ADPRHL1: variants seen among roughly 807,000 people sequenced by gnomAD.
ADPRHL1 encodes the protein inactive ADP-ribosyltransferase ARH2.
ADPRHL1 carries 43 observed loss-of-function variants against 44.1 expected under a neutral mutation model. The observed-to-expected ratio is 0.98, with a 90% CI of 0.76 to 1.26. The LOEUF (loss-of-function observed/expected upper bound fraction) is 1.26. Ranked by LOEUF, ADPRHL1 falls within the 50% of genes most tolerant of loss-of-function variation. The pLI is 0.00. For synonymous variants in ADPRHL1, 878 were observed against 1,017.4 expected, an observed-to-expected ratio of 0.86 and a Z score of 2.61; for missense variants, 2,022 against 2,496.9, an observed-to-expected ratio of 0.81 and a Z score of 4.05.
chr13:113,400,021 G>A lies in ADPRHL1; in HGVS notation c.*3357C>T, dbSNP rs539683256. 6.6e-6 allele frequency: 1 copy of A among 152,020 alleles called. No individual in the cohort carries two copies. Among genetic ancestry groups the A allele is most frequent in the East Asian group, 1.9e-4 (1 of 5,182 alleles). The allele number at this position is 152,020 out of a possible 1,614,324, so 9.4% of individuals were successfully genotyped here. A position where few individuals can be genotyped will look rare whatever the true frequency, so the allele number is the denominator to read the frequency against. ...ACCTGCGGCTCACAGTGGGCCTGTC[G>A]ACAGCCGGAGGCACCGTAAAAAACT... On this transcript the variant is annotated 3_prime_UTR_variant, in exon 8 of 8. Coordinates refer to ENST00000612156, the MANE Select transcript of ADPRHL1 (RefSeq NM_001394807.1).
At chr13:113,418,213 G>T (rs1245116762) in intron 7 of ADPRHL1, among the ~76,000 whole-genome samples, 1 of 152,002 alleles carries the variant, frequency 6.6e-6, no homozygotes, top group Non-Finnish European at 1.5e-5. Context: ...CTACAAAATG[G>T]GGGTAGTAAA....
chr13:113,412,849 GCAGAGCT>G (rs2043864993), intron 7 of ADPRHL1, among the ~76,000 whole-genome samples: 7 of 58,730 alleles, frequency 1.2e-4, no homozygotes, highest in South Asian at 4.9e-4. Flanking sequence ...ACAGCGCCCC[GCAGAGCT>G]CGGTTCACCC....
At chr13:113,445,209 C>T (rs1414543044) in intron 1 of ADPRHL1, among the ~76,000 whole-genome samples, 1 of 152,264 alleles carries the variant, frequency 6.6e-6, no homozygotes, top group Admixed American at 6.5e-5. Context: ...ATGCCCAGCA[C>T]GCGGGAGGCC....
chr13:113,421,312 C>T lies in ADPRHL1; in HGVS notation c.1061+1514G>A, dbSNP rs1395046583. ...CCGGGACACGCCCACTCCCGGGACA[C>T]GCCCACCCCGGGACACGCCCACCCC... On this transcript the variant is annotated intron_variant, in intron 7 of 7. Transcript: ENST00000612156. Among the ~76,000 whole-genome samples the T allele has an allele frequency of 3.4e-5, 4 of 117,138 alleles. No individual in the cohort carries two copies. The South Asian group carries it at 8.8e-4, about 26-fold the overall frequency. 76.8% of individuals were successfully genotyped at this position (117,138 alleles called of 152,430 possible). A position where few individuals can be genotyped will look rare whatever the true frequency, so the allele number is the denominator to read the frequency against.
intron 7 of ADPRHL1, among the ~76,000 whole-genome samples, chr13:113,414,150 G>T (rs2043874996): frequency 6.6e-6 from 1 of 151,992 alleles, no homozygotes; most frequent in Non-Finnish European, 1.5e-5. Context: ...GGCAGGGCCG[G>T]TTTCACGTGG....
Position 113,415,083 on chromosome 13 carries a change from G to A in ADPRHL1, c.1062-6863C>T, listed in dbSNP as rs897704966. Among the ~76,000 whole-genome samples, 6 of 152,286 alleles carry A rather than the reference G, an allele frequency of 3.9e-5. No individual in the cohort carries two copies. The East Asian group carries it at 9.7e-4, about 25-fold the overall frequency. ...GTAGCCAGCGCCCAGCAACCCCCTG[G>A]GGCAGGTGAGGAGAGGGGAGGGGCC... On this transcript the variant is annotated intron_variant, in intron 7 of 7. Transcript: ENST00000612156.
In ADPRHL1 at chr13:113,417,496, C is replaced by T. The variant is rs1190852447; in HGVS notation, c.1061+5330G>A. On this transcript the variant is annotated intron_variant, in intron 7 of 7. Coordinates refer to ENST00000612156, the MANE Select transcript of ADPRHL1 (RefSeq NM_001394807.1). ...TGCCCCAGATCAGGCGCAGTCCCTG[C>T]CTTTGTCTGTCTGTCCCAGATCAGG... Among the ~76,000 whole-genome samples the T allele has an allele frequency of 2.0e-5, 3 of 152,134 alleles. No homozygotes were observed. The East Asian group carries it at 5.8e-4, about 29-fold the overall frequency.
At position 113,434,539 on chromosome 13, in the gene ADPRHL1, G is replaced by A. The variant is rs566644911; in HGVS notation, c.380-672C>T. 1.6e-4 allele frequency among the ~76,000 whole-genome samples: 23 copies of A among 147,790 alleles called. No individual in the cohort carries two copies. The South Asian group carries it at 4.3e-3, about 28-fold the overall frequency. On this transcript the variant is annotated intron_variant, in intron 2 of 7. Coordinates refer to ENST00000612156, the MANE Select transcript of ADPRHL1 (RefSeq NM_001394807.1). ...ATCCACATGTAGAGTGAACACAGGT[G>A]TACCCCGGGACCCGGCACCCAGGTG...
chr13:113,413,275 C>T (rs1455124271), intron 7 of ADPRHL1, among the ~76,000 whole-genome samples: 1 of 152,252 alleles, frequency 6.6e-6, no homozygotes, highest in Non-Finnish European at 1.5e-5. Flanking sequence ...CTCGCTGTGC[C>T]CTTCAGCCTG....
At chr13:113,414,095 G>T (rs1034872517) in intron 7 of ADPRHL1, among the ~76,000 whole-genome samples, 1 of 152,218 alleles carries the variant, frequency 6.6e-6, no homozygotes, top group Non-Finnish European at 1.5e-5. Flanking sequence ...GCCTGGCCCT[G>T]CGGCAGGGAA....
chr13:113,451,687 A>T (rs1226026799), intron 1 of ADPRHL1, among the ~76,000 whole-genome samples: 1 of 152,158 alleles, frequency 6.6e-6, no homozygotes, highest in East Asian at 1.9e-4. Context: ...GGGCACCTGT[A>T]GCCCCAGCTA....
At chr13:113,424,144 G>A in intron 6 of ADPRHL1, 73 bp downstream of exon 6, 1 of 1,581,386 alleles carries the variant, frequency 6.3e-7, no homozygotes, top group Non-Finnish European at 8.6e-7. Flanking sequence ...GCAGTCCTAG[G>A]ACACTCCGAG....
intron 7 of ADPRHL1, among the ~76,000 whole-genome samples, chr13:113,415,331 T>C (rs1412810193): frequency 6.6e-6 from 1 of 152,112 alleles, no homozygotes; most frequent in Admixed American, 6.5e-5. Context: ...ACCAAAGGCA[T>C]TGAATAAGTG....
At chr13:113,420,568 GT>G (rs967023846) in intron 7 of ADPRHL1, among the ~76,000 whole-genome samples, 10 of 152,066 alleles carry the variant, frequency 6.6e-5, no homozygotes, top group African/African-American at 9.7e-5. Flanking sequence ...GTAATTCTCA[GT>G]TAATTTCCCC....
chr13:113,444,825 A>G (rs112152209), intron 1 of ADPRHL1, among the ~76,000 whole-genome samples: 4,395 of 151,898 alleles, frequency 0.029, 199 homozygotes, highest in African/African-American at 0.095. Flanking sequence ...GGGTTTCACC[A>G]TGTCGGCCAG....
chr13:113,421,350 A>C (rs1595542780), intron 7 of ADPRHL1, among the ~76,000 whole-genome samples: 1 of 48,416 alleles, frequency 2.1e-5, no homozygotes, highest in Non-Finnish European at 4.0e-5. Context: ...GGACACGCCC[A>C]CTCCCGGGAC....
chr13:113,425,938 C>G (rs2043965254), intron 4 of ADPRHL1, among the ~76,000 whole-genome samples: 1 of 152,212 alleles, frequency 6.6e-6, no homozygotes, highest in Non-Finnish European at 1.5e-5. Flanking sequence ...ACCTCGGCTT[C>G]CCAAAGTGCT....
chr13:113,405,465 C>T lies in ADPRHL1; in HGVS notation c.3817G>A (p.Ala1273Thr), dbSNP rs2043800899. 4.1e-6 allele frequency: 5 copies of T among 1,231,858 alleles called. No homozygotes were observed. The highest frequency in any genetic ancestry group is 5.1e-6 in the Non-Finnish European group (5 of 988,166). The allele number at this position is 1,231,858 out of a possible 1,614,324, so 76.3% of individuals were successfully genotyped here. Residue 1273 changes from alanine (A) to threonine (T), a missense_variant, in exon 8 of 8, where the codon GCA (alanine) becomes ACA (threonine). This residue lies in a region of ADPRHL1 where 1,221 missense variants were observed against 1,517.8 expected (regional missense o/e 0.80). Transcript: ENST00000612156. ...IPASDHPRPQ[A>T]RSVAESPSYG... ...CTGGGGGACTCTGCCACGCTCCTTG[C>T]CTGTGGCCTAGGATGATCAGAAGCA...
intron 2 of ADPRHL1, among the ~76,000 whole-genome samples, chr13:113,434,899 T>C (rs541913551): frequency 1.1e-4 from 8 of 70,294 alleles, no homozygotes; most frequent in African/African-American, 4.2e-4. Context: ...AGCACCCAGG[T>C]GTAGAGTGAA....
Sources: allele counts gnomAD v4.1 joint callset (sites outside exome capture counted in the v4.1 genomes callset), GRCh38; gene constraint gnomAD v4.1.1; regional missense constraint gnomAD v4.1.1; transcripts MANE v1.5; gene names NCBI Gene and HGNC (gene_info 2026-07-23, HGNC 2026-07-21).